Variants in MMP8 observed in about 807,000 individuals in gnomAD.
MMP8 encodes matrix metallopeptidase 8, also known as neutrophil collagenase.
Under a neutral mutation model 51.2 loss-of-function variants are expected in MMP8, and 67 were observed. The ratio of observed to expected loss-of-function variants is 1.31; its 90% CI spans 1.08 to 1.60. MMP8 has a LOEUF of 1.60. Ranked by LOEUF, MMP8 falls within the 40% of genes most tolerant of loss-of-function variation. MMP8 has a pLI of 0.00. For missense variants in MMP8, 654 were observed against 558.1 expected, an observed-to-expected ratio of 1.17 and a Z score of -1.73; for synonymous variants, 225 against 191.0, an observed-to-expected ratio of 1.18 and a Z score of -1.47.
intron 1 of MMP8, among the ~76,000 whole-genome samples, chr11:102,724,269 A>G (rs1038720426): frequency 2.0e-5 from 3 of 152,180 alleles, no homozygotes; most frequent in African/African-American, 7.2e-5. Context: ...ACAGTCCACA[A>G]TCTGATGCTG....
chr11:102,714,611 C>T lies in MMP8; in HGVS notation c.1135G>A (p.Ala379Thr), dbSNP rs751664838. 12 of 1,522,170 alleles carry T rather than the reference C, an allele frequency of 7.9e-6. No homozygotes were observed. Among genetic ancestry groups the T allele is most frequent in the Admixed American group, 6.4e-5 (3 of 46,744 alleles). 94.3% of individuals were successfully genotyped at this position (1,522,170 alleles called of 1,614,324 possible). The change falls in exon 8 of 10, where the codon GCA (alanine) becomes ACA (threonine). Residue 379 changes from alanine (A) to threonine (T), a missense_variant. By Grantham distance (58) the Ala-to-Thr change is moderately conservative. Transcript: ENST00000236826. ...GTTTTACTTCTGTAGAAAACAGCTG[C>T]GTCAATTGCTTGGACGCTGCTGGGG... ...GFPSSVQAID[A>T]AVFYRSKTYF...
At chr11:102,716,444 A>AG in intron 5 of MMP8, 25 bp from the exon 6 acceptor site, 1 of 1,381,548 alleles carries the variant, frequency 7.2e-7, no homozygotes, top group Non-Finnish European at 1.0e-6. Context: ...AAAAAAAAAA[A>AG]AAAGGTCTTT....
chr11:102,717,971 G>A (rs1015009659), intron 5 of MMP8, among the ~76,000 whole-genome samples: 4 of 152,116 alleles, frequency 2.6e-5, no homozygotes, highest in Non-Finnish European at 4.4e-5. Context: ...GCCAAGTGTG[G>A]TGGTGGGCAT....
At chr11:102,722,375 G>A (rs1861498124) in intron 2 of MMP8, 54 bp downstream of exon 2, 2 of 1,573,470 alleles carry the variant, frequency 1.3e-6, no homozygotes, top group Admixed American at 1.8e-5. Context: ...TGTCATATAA[G>A]AGCCCAGTCC....
chr11:102,717,682 C>T (rs753603884), intron 5 of MMP8, among the ~76,000 whole-genome samples: 1 of 152,156 alleles, frequency 6.6e-6, no homozygotes, highest in African/African-American at 2.4e-5. Context: ...TTACCACAAA[C>T]AAGACTGCAG....
chr11:102,723,475 C>T (rs1277844153), intron 1 of MMP8: 6 of 453,788 alleles, frequency 1.3e-5, no homozygotes, highest in South Asian at 3.1e-5. Context: ...CTGATTTTCT[C>T]TCACAATTCT....
rs201146217 is a variant in MMP8 at position 102,724,767 on chromosome 11, G to A, written c.89C>T (p.Thr30Ile). The change falls in exon 1 of 10, where the codon ACA (threonine) becomes ATA (isoleucine). Residue 30 changes from threonine to isoleucine, a missense_variant. By Grantham distance (89) the Thr-to-Ile change is moderately conservative. Transcript: ENST00000236826. ...TAGTTCATTTACCTGAACAGTTTTT[G>A]TATTTTTCTCTTTAGAAGATACAGG... ...AFPVSSKEKN[T>I]KTVQDYLEKF... 1.3e-6 allele frequency: 2 copies of A among 1,596,268 alleles called. No individual in the cohort carries two copies. Among genetic ancestry groups the A allele is most frequent in the East Asian group, 2.2e-5 (1 of 44,498 alleles).
At chr11:102,719,918 G>C (rs1347396433) in intron 4 of MMP8, among the ~76,000 whole-genome samples, 1 of 152,176 alleles carries the variant, frequency 6.6e-6, no homozygotes, top group Non-Finnish European at 1.5e-5. Flanking sequence ...TCCAGGACAA[G>C]GCAAGACAGA....
In MMP8 at chr11:102,713,684, A is replaced by G; in HGVS notation, c.1294+70T>C. On this transcript the variant is annotated intron_variant, in intron 9 of 9. Transcript: ENST00000236826. ...AGTTTGACACTAACCTGGTCAGCAT[A>G]GTAAGACCCTGTCTCCTCTATAATA... 5.3e-6 allele frequency: 7 copies of G among 1,322,972 alleles called. No homozygotes were observed. The South Asian group carries it at 8.0e-5, about 15-fold the overall frequency. 82.0% of individuals were successfully genotyped at this position (1,322,972 alleles called of 1,614,324 possible). A position where few individuals can be genotyped will look rare whatever the true frequency, so the allele number is the denominator to read the frequency against.
At position 102,718,438 on chromosome 11, in the gene MMP8, T is replaced by A. The variant is rs765029684; in HGVS notation, c.760A>T (p.Ile254Phe). Residue 254 changes from isoleucine (I) to phenylalanine (F), a missense_variant, in exon 5 of 10, where the codon ATC becomes TTC. Transcript: ENST00000236826. Reference sequence around the variant, plus strand: ...CCATAGATGGCCTGAATGCCATCGATGTCATCTTGAGGGAGTGAGTAGTTG... The same window carrying A: ...CCATAGATGGCCTGAATGCCATCGAAGTCATCTTGAGGGAGTGAGTAGTTG... The part of the protein sequence containing the change: ...TSNYSLPQDD[I>F]DGIQAIYGLS... 1.9e-6 allele frequency: 3 copies of A among 1,613,046 alleles called. No individual in the cohort carries two copies. The highest frequency in any genetic ancestry group is 2.5e-6 in the Non-Finnish European group (3 of 1,179,504).
At position 102,714,805 on chromosome 11, in the gene MMP8, T is replaced by TAC. The variant is rs1555094349; in HGVS notation, c.1037-98_1037-97dup. 1.5e-3 allele frequency: 353 copies of TAC among 230,834 alleles called. 6 individuals carry two copies. The highest frequency in any genetic ancestry group is 9.6e-3 in the African/African-American group (335 of 34,828). The allele number at this position is 230,834 out of a possible 1,614,324, so 14.3% of individuals were successfully genotyped here. A position where few individuals can be genotyped will look rare whatever the true frequency, so the allele number is the denominator to read the frequency against. On this transcript the variant is annotated intron_variant, in intron 7 of 9. Transcript: ENST00000236826. ...ATATATATATATATATATATATATA[T>TAC]ACCACTTCTTGGTCTTGCACATAGA...
At chr11:102,718,053 GC>G (rs1861351809) in intron 5 of MMP8, among the ~76,000 whole-genome samples, 1 of 151,982 alleles carries the variant, frequency 6.6e-6, no homozygotes, top group South Asian at 2.1e-4. Context: ...GTTGCAGTGA[GC>G]CAAGATCGCG....
At chr11:102,723,696 T>C (rs6590984) in intron 1 of MMP8, 281,128 of 301,066 alleles carry the variant, frequency 0.93, 131,429 homozygotes, top group East Asian at 1. Context: ...CAAAAATTAA[T>C]CCAGTCACAC....
At chr11:102,715,876 C>T (rs542772801) in intron 6 of MMP8, among the ~76,000 whole-genome samples, 10 of 152,274 alleles carry the variant, frequency 6.6e-5, no homozygotes, top group South Asian at 6.2e-4. Context: ...GCTAGCTAAG[C>T]GCAGGTTCCA....
In MMP8 at chr11:102,712,339, G is replaced by A. The variant is rs1452664834; in HGVS notation, c.*1009C>T. On this transcript the variant is annotated 3_prime_UTR_variant, in exon 10 of 10. Transcript: ENST00000236826. Reference sequence around the variant, plus strand: ...AAGATGCCCAGTAGTCCTTAGCAAGGGTTCTACTTCTGCATTCTGTGTTGA... The same window carrying A: ...AAGATGCCCAGTAGTCCTTAGCAAGAGTTCTACTTCTGCATTCTGTGTTGA... 6.6e-6 allele frequency: 1 copy of A among 152,202 alleles called. No individual in the cohort carries two copies. Among genetic ancestry groups the A allele is most frequent in the East Asian group, 1.9e-4 (1 of 5,188 alleles). 9.4% of individuals were successfully genotyped at this position (152,202 alleles called of 1,614,324 possible).
intron 9 of MMP8, 128 bp downstream of exon 9, chr11:102,713,626 G>A: frequency 9.8e-7 from 1 of 1,025,426 alleles, no homozygotes; most frequent in East Asian, 2.5e-5. Context: ...AGAACTCTGG[G>A]AGGCTGAGGT....
chr11:102,721,963 A>G (rs953028451), intron 2 of MMP8, among the ~76,000 whole-genome samples: 1 of 152,162 alleles, frequency 6.6e-6, no homozygotes, highest in African/African-American at 2.4e-5. Flanking sequence ...TCAGTTTCCT[A>G]TTCATAAAAT....
At chr11:102,718,919 C>T (rs779433846) in intron 4 of MMP8, among the ~76,000 whole-genome samples, 6 of 152,174 alleles carry the variant, frequency 3.9e-5, no homozygotes, top group Non-Finnish European at 7.3e-5. Context: ...CTCTTGCATT[C>T]CCACAATCAC....
chr11:102,713,638 G>A, intron 9 of MMP8, 116 bp downstream of exon 9: 1 of 1,054,906 alleles, frequency 9.5e-7, no homozygotes, highest in South Asian at 1.6e-5. Context: ...GGCTGAGGTG[G>A]GAGGATTGCT....
Sources: allele counts gnomAD v4.1 joint callset (sites outside exome capture counted in the v4.1 genomes callset), GRCh38; gene constraint gnomAD v4.1.1; transcripts MANE v1.5; gene names NCBI Gene and HGNC (gene_info 2026-07-23, HGNC 2026-07-21).